The following NMNAT2 variants were observed in gnomAD, a reference collection of about 807,000 sequenced individuals.
NMNAT2 encodes nicotinamide nucleotide adenylyltransferase 2.
In NMNAT2, 11 loss-of-function variants were observed where a neutral mutation model predicts 41.6. That is an observed-to-expected ratio of 0.26 (90% CI 0.17 to 0.44). The LOEUF (loss-of-function observed/expected upper bound fraction) is 0.44, where lower values mean the gene tolerates loss of function less well. Ranked by LOEUF, NMNAT2 falls within the 20% of genes least tolerant of loss-of-function variation. The pLI is 1.00. For missense variants in NMNAT2, 288 were observed against 407.7 expected (o/e 0.71, Z 2.53); for synonymous variants, 148 against 151.2 (o/e 0.98, Z 0.16).
intron 5 of NMNAT2, among the ~76,000 whole-genome samples, chr1:183,285,934 A>G (rs558064249): frequency 1.3e-5 from 2 of 152,028 alleles, no homozygotes; most frequent in Non-Finnish European, 2.9e-5. Flanking sequence ...CTGGGTGCGG[A>G]CCGCCTGGGT....
Position 183,378,768 on chromosome 1 carries a change from G to A in NMNAT2, c.85+39415C>T, listed in dbSNP as rs1376890475. On this transcript the variant is annotated intron_variant, in intron 1 of 10. Transcript: ENST00000287713. ...CAGTTTAAAAGTAGATATTGGCCAGGCGAGGTGGCTCATGCTTGTAATCCC... is the reference window on the plus strand; with the variant it reads ...CAGTTTAAAAGTAGATATTGGCCAGACGAGGTGGCTCATGCTTGTAATCCC... Among the ~76,000 whole-genome samples, 6 of 151,428 alleles carry A rather than the reference G, an allele frequency of 4.0e-5. No individual in the cohort carries two copies. The East Asian group carries it at 1.2e-3, about 30-fold the overall frequency.
rs567014895 is a variant in NMNAT2 at position 183,298,115 on chromosome 1, T to C, written c.86-4322A>G. Among the ~76,000 whole-genome samples the C allele has an allele frequency of 1.0e-3, 152 of 152,322 alleles. 1 individual carries two copies. In the South Asian group the frequency reaches 0.013, roughly 13 times the overall value. On this transcript the variant is annotated intron_variant, in intron 1 of 10. Transcript: ENST00000287713. The stretch of plus-strand genomic sequence containing the variant: ...AACATCATACTTAGTGGTGAAAGAT[T>C]GAATGCTTTCTCCCTAAAATGAAGA...
chr1:183,345,747 C>T (rs1027189272), intron 1 of NMNAT2, among the ~76,000 whole-genome samples: 29 of 150,458 alleles, frequency 1.9e-4, no homozygotes, highest in African/African-American at 3.9e-4. Flanking sequence ...AGCGCAGTGG[C>T]GCGATCTCGG....
chr1:183,393,179 A>G (rs544660067), intron 1 of NMNAT2, among the ~76,000 whole-genome samples: 2 of 152,326 alleles, frequency 1.3e-5, no homozygotes, highest in East Asian at 1.9e-4. Context: ...CTTTCACTTT[A>G]TCAAGATTAT....
At chr1:183,295,145 A>G (rs1227011487) in intron 1 of NMNAT2, among the ~76,000 whole-genome samples, 2 of 152,156 alleles carry the variant, frequency 1.3e-5, no homozygotes, top group Non-Finnish European at 2.9e-5. Flanking sequence ...CTGAGATTAC[A>G]GGCATGAGCC....
intron 1 of NMNAT2, among the ~76,000 whole-genome samples, chr1:183,332,955 TCA>T (rs934586879): frequency 6.6e-6 from 1 of 152,202 alleles, no homozygotes; most frequent in African/African-American, 2.4e-5. Context: ...GTGACAGCTC[TCA>T]GAGATGATGA....
intron 1 of NMNAT2, among the ~76,000 whole-genome samples, chr1:183,325,557 A>G (rs1662443509): frequency 6.6e-6 from 1 of 152,192 alleles, no homozygotes. Context: ...TCTAGAGAAA[A>G]TGGCTCAGTA....
At chr1:183,341,523 C>CAAAAAAAAAAAAAAAAAA (rs33955752) in intron 1 of NMNAT2, among the ~76,000 whole-genome samples, 1 of 81,370 alleles carries the variant, frequency 1.2e-5, no homozygotes, top group Non-Finnish European at 2.3e-5. Context: ...ACAAAAAATG[C>CAAAAAAAAAAAAAAAAAA]AAAAAAAAAA....
At chr1:183,379,504 G>A (rs951755565) in intron 1 of NMNAT2, among the ~76,000 whole-genome samples, 1 of 152,046 alleles carries the variant, frequency 6.6e-6, no homozygotes, top group African/African-American at 2.4e-5. Context: ...TTAATATAAA[G>A]ATATAGATAG....
chr1:183,307,279 C>T (rs180710469), intron 1 of NMNAT2, among the ~76,000 whole-genome samples: 56 of 151,640 alleles, frequency 3.7e-4, no homozygotes, highest in African/African-American at 1.3e-3. Context: ...ATCTTCTCTC[C>T]TCTTTAAGTG....
At chr1:183,367,302 T>C (rs1368828370) in intron 1 of NMNAT2, among the ~76,000 whole-genome samples, 1 of 151,926 alleles carries the variant, frequency 6.6e-6, no homozygotes, top group Non-Finnish European at 1.5e-5. Context: ...CTACTAAAAA[T>C]ACAAAAGTAG....
chr1:183,357,849 T>C (rs1238784324), intron 1 of NMNAT2, among the ~76,000 whole-genome samples: 1 of 152,190 alleles, frequency 6.6e-6, no homozygotes, highest in African/African-American at 2.4e-5. Flanking sequence ...TTTAATGAGG[T>C]TGTTTCTTTC....
At chr1:183,302,256 C>T (rs1429043413) in intron 1 of NMNAT2, among the ~76,000 whole-genome samples, 2 of 152,126 alleles carry the variant, frequency 1.3e-5, no homozygotes, top group South Asian at 4.1e-4. Flanking sequence ...CTCCAAGGAG[C>T]CCAGGTTTTT....
chr1:183,284,123 G>A (rs1209441542), intron 6 of NMNAT2, 84 bp from the exon 7 acceptor site: 3 of 896,856 alleles, frequency 3.3e-6, no homozygotes, highest in Non-Finnish European at 5.1e-6. Flanking sequence ...GCCTCAGCAG[G>A]AATTATTGGG....
chr1:183,359,727 G>A (rs569602783), intron 1 of NMNAT2, among the ~76,000 whole-genome samples: 7 of 152,272 alleles, frequency 4.6e-5, no homozygotes, highest in South Asian at 4.1e-4. Flanking sequence ...TCAGCAGTGG[G>A]AGAGGGAAAA....
intron 1 of NMNAT2, among the ~76,000 whole-genome samples, chr1:183,355,972 C>T (rs1663175915): frequency 6.6e-6 from 1 of 152,196 alleles, no homozygotes; most frequent in East Asian, 1.9e-4. Context: ...AGCAGTGCCT[C>T]CTGCTCAAAA....
intron 8 of NMNAT2, chr1:183,267,113 GC>G (rs992693120): frequency 6.1e-6 from 1 of 164,260 alleles, no homozygotes; most frequent in African/African-American, 2.4e-5. Flanking sequence ...GAAAAGGCTT[GC>G]CAATCTGTCC....
At chr1:183,270,147 G>A (rs918970539) in intron 8 of NMNAT2, among the ~76,000 whole-genome samples, 1 of 152,188 alleles carries the variant, frequency 6.6e-6, no homozygotes, top group Non-Finnish European at 1.5e-5. Context: ...GCCTCCCAAA[G>A]TTCTGGGATT....
At chr1:183,363,579 T>TACACACACACACACAC (rs146304060) in intron 1 of NMNAT2, among the ~76,000 whole-genome samples, 2 of 147,482 alleles carry the variant, frequency 1.4e-5, no homozygotes, top group South Asian at 2.2e-4. Flanking sequence ...CACACACACA[T>TACACACACACACACAC]ACACACACAC....
Sources: gnomAD v4.1 joint callset for allele counts (sites outside exome capture counted in the v4.1 genomes callset) on GRCh38, gnomAD v4.1.1 for gene constraint, MANE v1.5 for transcripts, NCBI Gene and HGNC (gene_info 2026-07-23, HGNC 2026-07-21) for gene names.